CHST5: variants seen among roughly 807,000 people sequenced by gnomAD.
The protein encoded by CHST5 is GST4-alpha.
For synonymous variants in CHST5, 313 were observed against 279.2 expected (o/e 1.12, Z -1.21); for missense variants, 637 against 602.1 (o/e 1.06, Z -0.61).
Position 75,529,566 on chromosome 16 carries a change from G to A in CHST5, c.819C>T (p.Arg273=). ...LIREVCRSHV[R]IAEAATLKPP... Reference sequence around the variant, plus strand: ...GCTTGAGTGTGGCGGCCTCGGCGATGCGCACGTGGCTGCGGCACACCTCGC... The same window carrying A: ...GCTTGAGTGTGGCGGCCTCGGCGATACGCACGTGGCTGCGGCACACCTCGC... Residue 273 remains arginine (R), a synonymous_variant, in exon 4 of 4, where the codon CGC becomes CGT. Coordinates refer to ENST00000336257, the MANE Select transcript of CHST5 (RefSeq NM_024533.5). 6.2e-7 allele frequency: 1 copy of A among 1,609,238 alleles called. No homozygotes were observed. Among genetic ancestry groups the A allele is most frequent in the Non-Finnish European group, 8.5e-7 (1 of 1,178,838 alleles).
chr16:75,534,487 T>C (rs544823664), intron 2 of CHST5, among the ~76,000 whole-genome samples: 154 of 151,938 alleles, frequency 1.0e-3, no homozygotes, highest in Non-Finnish European at 1.7e-3. Flanking sequence ...CTAGTAAAAA[T>C]ACAAAAATTA....
chr16:75,529,499 C>G lies in CHST5; in HGVS notation c.886G>C (p.Glu296Gln). 6.2e-7 allele frequency: 1 copy of G among 1,611,402 alleles called. No homozygotes were observed. ...LRGRYRLVRF[E>Q]DLAREPLAEI... Reference sequence around the variant, plus strand: ...GCCAGCGGCTCCCGCGCCAGGTCCTCGAAGCGCACCAGGCGGTAGCGGCCG... The same window carrying G: ...GCCAGCGGCTCCCGCGCCAGGTCCTGGAAGCGCACCAGGCGGTAGCGGCCG... Residue 296 changes from glutamate to glutamine, a missense_variant, in exon 4 of 4, where the codon GAG becomes CAG. Glu to Gln is a conservative substitution (Grantham distance 29, BLOSUM62 2). Transcript: ENST00000336257.
At position 75,531,452 on chromosome 16, in the gene CHST5, A is replaced by G; in HGVS notation, c.-1068T>C. 3.2e-6 allele frequency: 4 copies of G among 1,243,370 alleles called. No individual in the cohort carries two copies. The highest frequency in any genetic ancestry group is 4.2e-6 in the Non-Finnish European group (4 of 956,224). 77.0% of individuals were successfully genotyped at this position (1,243,370 alleles called of 1,614,324 possible). A position where few individuals can be genotyped will look rare whatever the true frequency, so the allele number is the denominator to read the frequency against. On this transcript the variant is annotated 5_prime_UTR_variant, in exon 4 of 4. Coordinates refer to ENST00000336257, the MANE Select transcript of CHST5 (RefSeq NM_024533.5). ...AAGTGCTGTAGGCAGCATGGGCTCC[A>G]GAAGGAGGGTGTCCTGGAGCCCTGT...
rs2080523599 is a variant in CHST5 at position 75,531,660 on chromosome 16, A to G, written c.-1256-20T>C. 1 of 1,302,220 alleles carries G rather than the reference A, an allele frequency of 7.7e-7. No individual in the cohort carries two copies. Among genetic ancestry groups the G allele is most frequent in the Non-Finnish European group, 1.0e-6 (1 of 987,270 alleles). The allele number at this position is 1,302,220 out of a possible 1,614,324, so 80.7% of individuals were successfully genotyped here. ...CGACATCTGGCAAAGCAGGAAGGAG[A>G]GGAGATCAGAGCCCTACAGAGAGAC... is the stretch of plus-strand genomic sequence containing the variant. On this transcript the variant is annotated intron_variant, in intron 3 of 3. Transcript: ENST00000336257.
rs2080514300 is a variant in CHST5, at chr16:75,530,943, G to A, written c.-559C>T. 1 of 1,003,672 alleles carries A rather than the reference G, an allele frequency of 1.0e-6. No individual in the cohort carries two copies. The highest frequency in any genetic ancestry group is 4.6e-5 in the South Asian group (1 of 21,524). The allele number at this position is 1,003,672 out of a possible 1,614,324, so 62.2% of individuals were successfully genotyped here. On this transcript the variant is annotated 5_prime_UTR_variant, in exon 4 of 4. Transcript: ENST00000336257. ...TTATTATAATGAAGATGGGGGAAGG[G>A]AACACGCAGTCATGCCCATAACTGA...
rs2080496069 is a variant in CHST5 at position 75,529,663 on chromosome 16, G to A, written c.722C>T (p.Ala241Val). ...RSREAAGPILARDNGIVLGTN... is the reference protein window; with the variant it reads ...RSREAAGPILVRDNGIVLGTN... ...GCCCAGCACGATGCCGTTGTCGCGT[G>A]CCAGTATCGGGCCCGCCGCCTCCCG... is the stretch of plus-strand genomic sequence containing the variant. Residue 241 changes from alanine (A) to valine (V), a missense_variant, in exon 4 of 4, where the codon GCA becomes GTA. Physicochemically the swap from Ala to Val is moderately conservative, Grantham distance 64 (BLOSUM62 0). Coordinates refer to ENST00000336257, the MANE Select transcript of CHST5 (RefSeq NM_024533.5). 1.9e-6 allele frequency: 3 copies of A among 1,610,704 alleles called. No individual in the cohort carries two copies. The highest frequency in any genetic ancestry group is 1.7e-6 in the Non-Finnish European group (2 of 1,178,610).
chr16:75,531,894 C>G (rs1446741938), intron 3 of CHST5, among the ~76,000 whole-genome samples: 1 of 152,160 alleles, frequency 6.6e-6, no homozygotes, highest in Non-Finnish European at 1.5e-5. Context: ...CTGGCGGGGT[C>G]TCCTGATGGA....
At position 75,529,622 on chromosome 16, in the gene CHST5, C is replaced by A. The variant is rs867155153; in HGVS notation, c.763G>T (p.Val255Leu). 22 of 1,611,048 alleles carry A rather than the reference C, an allele frequency of 1.4e-5. No individual in the cohort carries two copies. Among genetic ancestry groups the A allele is most frequent in the Non-Finnish European group, 1.6e-5 (19 of 1,179,022 alleles). The stretch of plus-strand genomic sequence containing the variant: ...AGGCGCAGGTGAGGGTCGGCCTCCA[C>A]CCACTTGCCGTTGGTGCCCAGCACG... ...GIVLGTNGKW[V>L]EADPHLRLIR... Residue 255 changes from valine (V) to leucine (L), a missense_variant, in exon 4 of 4, where the codon GTG becomes TTG. Transcript: ENST00000336257.
rs370729745 is a variant in CHST5, at chr16:75,530,906, G to A, written c.-522C>T. 2.5e-5 allele frequency: 25 copies of A among 1,003,800 alleles called. No individual in the cohort carries two copies. The highest frequency in any genetic ancestry group is 2.9e-5 in the Non-Finnish European group (24 of 832,410). 62.2% of individuals were successfully genotyped at this position (1,003,800 alleles called of 1,614,324 possible). The stretch of plus-strand genomic sequence containing the variant: ...CGGTACCTGGCTCACAGGATCTGGG[G>A]GGATTGGGGGGTTATTATAATGAAG... On this transcript the variant is annotated 5_prime_UTR_variant, in exon 4 of 4. Coordinates refer to ENST00000336257, the MANE Select transcript of CHST5 (RefSeq NM_024533.5).
In CHST5 at chr16:75,531,636, G is replaced by A. The variant is rs1319757517; in HGVS notation, c.-1252C>T. On this transcript the variant is annotated 5_prime_UTR_variant, in exon 4 of 4. Transcript: ENST00000336257. ...ATCACAAATCCATGGGAGATGTCTC[G>A]ACATCTGGCAAAGCAGGAAGGAGAG... is the stretch of plus-strand genomic sequence containing the variant. 6.9e-6 allele frequency: 9 copies of A among 1,303,714 alleles called. No individual in the cohort carries two copies. Among genetic ancestry groups the A allele is most frequent in the East Asian group, 5.5e-5 (1 of 18,030 alleles). The allele number at this position is 1,303,714 out of a possible 1,614,324, so 80.8% of individuals were successfully genotyped here.
rs1232238813 is a variant in CHST5, at chr16:75,529,360, T to C, written c.1025A>G (p.His342Arg). 1.7e-5 allele frequency: 27 copies of C among 1,613,214 alleles called. No individual in the cohort carries two copies. Among genetic ancestry groups the C allele is most frequent in the Non-Finnish European group, 2.3e-5 (27 of 1,179,922 alleles). ...SGIGKPIEAF[H>R]TSSRNARNVS... Reference sequence around the variant, plus strand: ...GTTGCGCGCATTCCTAGACGAAGTATGGAAGGCCTCGATTGGCTTGCCGAT... The same window carrying C: ...GTTGCGCGCATTCCTAGACGAAGTACGGAAGGCCTCGATTGGCTTGCCGAT... Residue 342 changes from histidine (H) to arginine (R), a missense_variant, in exon 4 of 4, where the codon CAT (histidine) becomes CGT (arginine). Coordinates refer to ENST00000336257, the MANE Select transcript of CHST5 (RefSeq NM_024533.5).
intron 1 of CHST5, among the ~76,000 whole-genome samples, 99 bp from the exon 2 acceptor site, chr16:75,535,508 C>A (rs563124852): frequency 2.0e-5 from 3 of 152,308 alleles, no homozygotes; most frequent in South Asian, 4.1e-4. Flanking sequence ...CTCCGGAGCC[C>A]GGCACTGCGG....
At position 75,530,438 on chromosome 16, in the gene CHST5, T is replaced by G; in HGVS notation, c.-54A>C. 1 of 1,465,868 alleles carries G rather than the reference T, an allele frequency of 6.8e-7. No individual in the cohort carries two copies. The highest frequency in any genetic ancestry group is 1.4e-5 in the South Asian group (1 of 69,296). The allele number at this position is 1,465,868 out of a possible 1,614,324, so 90.8% of individuals were successfully genotyped here. On this transcript the variant is annotated 5_prime_UTR_variant, in exon 4 of 4. Transcript: ENST00000336257. ...TCAGGGATCAGCCCTCAGATTCGGCTACCCTACCCATTGGACTTCCCAAGA... is the reference window on the plus strand; with the variant it reads ...TCAGGGATCAGCCCTCAGATTCGGCGACCCTACCCATTGGACTTCCCAAGA...
rs1294244751 is a variant in CHST5 at position 75,531,539 on chromosome 16, G to C, written c.-1155C>G. 11 of 1,303,214 alleles carry C rather than the reference G, an allele frequency of 8.4e-6. No individual in the cohort carries two copies. The highest frequency in any genetic ancestry group is 9.1e-6 in the Non-Finnish European group (9 of 988,844). 80.7% of individuals were successfully genotyped at this position (1,303,214 alleles called of 1,614,324 possible). On this transcript the variant is annotated 5_prime_UTR_variant, in exon 4 of 4. Coordinates refer to ENST00000336257, the MANE Select transcript of CHST5 (RefSeq NM_024533.5). Reference sequence around the variant, plus strand: ...TGGAGCCCAAGAAGCAGAGAGGTGAGAGCAGAGTACTGTCCTGGCCAGCTG... The same window carrying C: ...TGGAGCCCAAGAAGCAGAGAGGTGACAGCAGAGTACTGTCCTGGCCAGCTG...
In CHST5 at chr16:75,530,364, G is replaced by A. The variant is rs948426159; in HGVS notation, c.21C>T (p.Val7=). The change falls in exon 4 of 4, where the codon GTC becomes GTT. Residue 7 remains valine, a synonymous_variant. Transcript: ENST00000336257. ...TTCGGGTGGAGTGGGCAACTTTAGG[G>A]ACCCGGGCCCTCATGCCCATCCCAT... MGMRAR[V]PKVAHSTRRP... The A allele has an allele frequency of 6.4e-7, 1 of 1,558,482 alleles. No individual in the cohort carries two copies.
In CHST5 at chr16:75,530,530, T is replaced by G. The variant is rs1408468225; in HGVS notation, c.-146A>C. The G allele has an allele frequency of 1.4e-6, 2 of 1,441,532 alleles. No homozygotes were observed. Among genetic ancestry groups the G allele is most frequent in the Non-Finnish European group, 1.8e-6 (2 of 1,095,400 alleles). The allele number at this position is 1,441,532 out of a possible 1,614,324, so 89.3% of individuals were successfully genotyped here. ...TCAAGACATAGGCCAGAATATAGTC[T>G]GTGCTCACAGCAGAAGTCCAGTTGC... On this transcript the variant is annotated 5_prime_UTR_variant, in exon 4 of 4. Coordinates refer to ENST00000336257, the MANE Select transcript of CHST5 (RefSeq NM_024533.5).
Position 75,530,511 on chromosome 16 carries a change from CAT to C in CHST5, c.-129_-128del. On this transcript the variant is annotated 5_prime_UTR_variant, in exon 4 of 4. An upstream start codon of the reference 5' UTR is lost. Transcript: ENST00000336257. ...CTTTCCCAGGAATACGGAGTCAAGA[CAT>C]AGGCCAGAATATAGTCTGTGCTCAC... 1 of 1,448,334 alleles carries C rather than the reference CAT, an allele frequency of 6.9e-7. No homozygotes were observed. The highest frequency in any genetic ancestry group is 9.1e-7 in the Non-Finnish European group (1 of 1,098,716). 89.7% of individuals were successfully genotyped at this position (1,448,334 alleles called of 1,614,324 possible).
In CHST5 at chr16:75,531,051, G is replaced by C; in HGVS notation, c.-667C>G. 1 of 1,000,736 alleles carries C rather than the reference G, an allele frequency of 1.0e-6. No individual in the cohort carries two copies. The highest frequency in any genetic ancestry group is 1.7e-5 in the African/African-American group (1 of 57,296). 62.0% of individuals were successfully genotyped at this position (1,000,736 alleles called of 1,614,324 possible). A position where few individuals can be genotyped will look rare whatever the true frequency, so the allele number is the denominator to read the frequency against. On this transcript the variant is annotated 5_prime_UTR_variant, in exon 4 of 4. Coordinates refer to ENST00000336257, the MANE Select transcript of CHST5 (RefSeq NM_024533.5). Reference sequence around the variant, plus strand: ...TATAAAACTTTTGTCAGCCAGGCGCGGTGGCTCACGCCTGTAATCCCAGCA... The same window carrying C: ...TATAAAACTTTTGTCAGCCAGGCGCCGTGGCTCACGCCTGTAATCCCAGCA...
Position 75,530,425 on chromosome 16 carries a change from C to G in CHST5, c.-41G>C, listed in dbSNP as rs2080508856. 6.8e-7 allele frequency: 1 copy of G among 1,475,568 alleles called. No homozygotes were observed. Among genetic ancestry groups the G allele is most frequent in the Admixed American group, 2.5e-5 (1 of 39,670 alleles). The allele number at this position is 1,475,568 out of a possible 1,614,324, so 91.4% of individuals were successfully genotyped here. ...CTGCCCAGTGCCCTCAGGGATCAGC[C>G]CTCAGATTCGGCTACCCTACCCATT... On this transcript the variant is annotated 5_prime_UTR_variant, in exon 4 of 4. Transcript: ENST00000336257.
Sources: allele counts gnomAD v4.1 joint callset (sites outside exome capture counted in the v4.1 genomes callset), GRCh38; gene constraint gnomAD v4.1.1; transcripts MANE v1.5; gene names NCBI Gene and HGNC (gene_info 2026-07-23, HGNC 2026-07-21).